The following RMDN2 variants were observed in gnomAD, a reference collection of about 807,000 sequenced individuals.
RMDN2 encodes regulator of microtubule dynamics protein 2.
RMDN2 carries 61 observed loss-of-function variants against 52.8 expected under a neutral mutation model. The observed-to-expected ratio is 1.16, with a 90% CI of 0.94 to 1.43. The LOEUF (loss-of-function observed/expected upper bound fraction) is 1.43, where lower values mean the gene tolerates loss of function less well. Ranked by LOEUF, RMDN2 falls within the 40% of genes most tolerant of loss-of-function variation. RMDN2 has a pLI of 0.00. For missense variants in RMDN2, 592 were observed against 475.3 expected, an observed-to-expected ratio of 1.25 and a Z score of -2.28; for synonymous variants, 180 against 153.1, an observed-to-expected ratio of 1.18 and a Z score of -1.30.
In RMDN2 at chr2:37,959,896, G is replaced by A. The variant is rs1009319166; in HGVS notation, c.453-14144G>A. ...AGGAACTTATTTCTGCCTTAATTTT[G>A]TTATTCACCCAGTAGTGATTCAGGA... On this transcript the variant is annotated intron_variant, in intron 2 of 10. Transcript: ENST00000354545. 2.7e-5 allele frequency among the ~76,000 whole-genome samples: 4 copies of A among 149,172 alleles called. 1 individual carries two copies. The highest frequency in any genetic ancestry group is 1.0e-4 in the African/African-American group (4 of 38,594).
chr2:37,973,962 G>T, intron 2 of RMDN2, 78 bp from the exon 3 acceptor site: 4 of 1,162,200 alleles, frequency 3.4e-6, no homozygotes, highest in Non-Finnish European at 5.0e-6. Context: ...GGCATGATTT[G>T]ACTTGCATTT....
At chr2:37,944,079 ACG>A (rs1668020626) in intron 2 of RMDN2, among the ~76,000 whole-genome samples, 1 of 152,096 alleles carries the variant, frequency 6.6e-6, no homozygotes, top group South Asian at 2.1e-4. Context: ...CATTTATTAA[ACG>A]TTTTGTGTAA....
At chr2:37,940,518 C>T (rs914680060) in intron 2 of RMDN2, among the ~76,000 whole-genome samples, 2 of 152,190 alleles carry the variant, frequency 1.3e-5, no homozygotes, top group African/African-American at 4.8e-5. Context: ...TTCAGGTGCA[C>T]CAAACAAACA....
intron 2 of RMDN2, among the ~76,000 whole-genome samples, chr2:37,962,460 G>A (rs1215482116): frequency 6.6e-6 from 1 of 152,208 alleles, no homozygotes. Context: ...GCTCCACCCA[G>A]TCCGAACTTC....
chr2:38,012,092 G>A (rs1678078242), intron 10 of RMDN2, among the ~76,000 whole-genome samples: 1 of 152,054 alleles, frequency 6.6e-6, no homozygotes, highest in Admixed American at 6.6e-5. Flanking sequence ...AGCTTCATAT[G>A]TTCCCAGCTC....
chr2:37,952,337 T>G, intron 2 of RMDN2: 3 of 777,588 alleles, frequency 3.9e-6, no homozygotes, highest in Non-Finnish European at 6.2e-6. Flanking sequence ...TGAAGAAGAT[T>G]CCTACATTGC....
chr2:37,998,897 A>ATCACT (rs1377600507), intron 8 of RMDN2, among the ~76,000 whole-genome samples: 2 of 152,210 alleles, frequency 1.3e-5, no homozygotes, highest in African/African-American at 4.8e-5. Flanking sequence ...CTAAGACTGT[A>ATCACT]TCACTCCCAT....
chr2:38,037,265 A>G (rs1451999641), intron 10 of RMDN2, among the ~76,000 whole-genome samples: 1 of 152,172 alleles, frequency 6.6e-6, no homozygotes, highest in Non-Finnish European at 1.5e-5. Flanking sequence ...AAATATGGAA[A>G]CGATTTCTCA....
chr2:37,930,806 G>T (rs1289774901), intron 2 of RMDN2, among the ~76,000 whole-genome samples: 1 of 152,202 alleles, frequency 6.6e-6, no homozygotes, highest in African/African-American at 2.4e-5. Flanking sequence ...CTGCCTCAGG[G>T]AAAGGGAGGA....
chr2:37,937,825 T>G (rs1667437663), intron 2 of RMDN2, among the ~76,000 whole-genome samples: 1 of 152,216 alleles, frequency 6.6e-6, no homozygotes, highest in Admixed American at 6.5e-5. Flanking sequence ...TACAGTCATG[T>G]CATCTGCAAA....
At chr2:38,001,929 C>A (rs574579899) in intron 8 of RMDN2, among the ~76,000 whole-genome samples, 4 of 152,232 alleles carry the variant, frequency 2.6e-5, no homozygotes, top group African/African-American at 4.8e-5. Flanking sequence ...GGTCAAGGCT[C>A]TGGCTTGATT....
chr2:37,956,990 C>CT (rs1438746438), intron 2 of RMDN2, among the ~76,000 whole-genome samples: 2 of 152,062 alleles, frequency 1.3e-5, no homozygotes, highest in African/African-American at 4.8e-5. Flanking sequence ...TGAACTCATT[C>CT]TTTTTTATGG....
intron 10 of RMDN2, chr2:38,027,334 A>G (rs1679851707): frequency 6.6e-6 from 1 of 152,156 alleles, no homozygotes; most frequent in African/African-American, 2.4e-5. Flanking sequence ...CTTGCTGTCC[A>G]ATGTCTTGAA....
At chr2:37,972,331 C>G (rs1457716718) in intron 2 of RMDN2, among the ~76,000 whole-genome samples, 1 of 151,940 alleles carries the variant, frequency 6.6e-6, no homozygotes, top group African/African-American at 2.4e-5. Context: ...AAGAAATAAA[C>G]TATATGAATA....
chr2:37,923,826 T>C (rs1666101077), upstream of RMDN2, among the ~76,000 whole-genome samples: 1 of 152,224 alleles, frequency 6.6e-6, no homozygotes, highest in Non-Finnish European at 1.5e-5. Context: ...CTCGGCTCAC[T>C]GCAACTTCTG....
At chr2:38,046,607 G>GA (rs1355368637) in intron 10 of RMDN2, among the ~76,000 whole-genome samples, 1 of 151,740 alleles carries the variant, frequency 6.6e-6, no homozygotes, top group African/African-American at 2.4e-5. Flanking sequence ...GACAACAAAG[G>GA]AAAAAATCTT....
At chr2:38,024,062 C>G (rs1035578577) in intron 10 of RMDN2, among the ~76,000 whole-genome samples, 1 of 152,120 alleles carries the variant, frequency 6.6e-6, no homozygotes, top group Non-Finnish European at 1.5e-5. Context: ...TGTCTGACTT[C>G]TTTCCCTCAG....
chr2:38,059,881 G>GT (rs1174750687), intron 10 of RMDN2, among the ~76,000 whole-genome samples: 1 of 151,420 alleles, frequency 6.6e-6, no homozygotes, highest in South Asian at 2.1e-4. Context: ...GTTGTCGTTG[G>GT]TTTTTTTTGT....
At chr2:38,055,179 C>T (rs1394801180) in intron 10 of RMDN2, among the ~76,000 whole-genome samples, 1 of 151,978 alleles carries the variant, frequency 6.6e-6, no homozygotes, top group Non-Finnish European at 1.5e-5. Flanking sequence ...GCCGTCCCCG[C>T]TTGATGATCC....
Sources: allele counts gnomAD v4.1 joint callset (sites outside exome capture counted in the v4.1 genomes callset), GRCh38; gene constraint gnomAD v4.1.1; transcripts MANE v1.5; gene names NCBI Gene and HGNC (gene_info 2026-07-23, HGNC 2026-07-21).